Variants in STAP1 observed in about 807,000 individuals in gnomAD.
STAP1 encodes signal-transducing adaptor protein 1.
A neutral mutation model predicts 37.8 loss-of-function variants in STAP1; 30 were observed. The ratio of observed to expected loss-of-function variants is 0.79; its 90% confidence interval spans 0.59 to 1.08. The LOEUF is 1.08. STAP1 is among the 50% of genes least tolerant of loss of function. The pLI, the probability that STAP1 is intolerant of heterozygous loss-of-function variation, is 0.00. For missense variants in STAP1, 357 were observed against 349.4 expected (o/e 1.02, Z -0.17); for synonymous variants, 130 against 116.0 (o/e 1.12, Z -0.78).
chr4:67,566,975 AAAAAT>A (rs1226942504), intron 1 of STAP1, among the ~76,000 whole-genome samples: 1 of 152,162 alleles, frequency 6.6e-6, no homozygotes, highest in Non-Finnish European at 1.5e-5. Flanking sequence ...ACTTCCATCA[AAAAAT>A]AAAATAAAAT....
At chr4:67,584,834 G>A (rs1727946364) in intron 6 of STAP1, among the ~76,000 whole-genome samples, 1 of 152,138 alleles carries the variant, frequency 6.6e-6, no homozygotes, top group African/African-American at 2.4e-5. Context: ...GTAGGGACAA[G>A]GGTTTTACTT....
At chr4:67,585,245 T>G (rs1214945246) in intron 6 of STAP1, among the ~76,000 whole-genome samples, 2 of 152,218 alleles carry the variant, frequency 1.3e-5, no homozygotes, top group African/African-American at 2.4e-5. Flanking sequence ...TTTATTAAAT[T>G]TTATACTATA....
chr4:67,593,497 T>C, intron 8 of STAP1, 141 bp downstream of exon 8: 1 of 632,088 alleles, frequency 1.6e-6, no homozygotes, highest in Non-Finnish European at 2.7e-6. Flanking sequence ...GGAAATCATT[T>C]TGTCACTCAG....
intron 8 of STAP1, among the ~76,000 whole-genome samples, chr4:67,604,398 T>G (rs1024015515): frequency 6.6e-6 from 1 of 152,218 alleles, no homozygotes; most frequent in Non-Finnish European, 1.5e-5. Context: ...GTTGTTTAAT[T>G]TGGTGTTCCT....
chr4:67,593,135 G>A (rs1480063014), intron 7 of STAP1, 125 bp from the exon 8 acceptor site: 1 of 610,178 alleles, frequency 1.6e-6, no homozygotes, highest in African/African-American at 1.9e-5. Context: ...GTAAAACTAT[G>A]GTCATACAGT....
At chr4:67,575,175 T>G (rs1727690052) in intron 2 of STAP1, among the ~76,000 whole-genome samples, 2 of 152,160 alleles carry the variant, frequency 1.3e-5, no homozygotes, top group South Asian at 4.1e-4. Flanking sequence ...TCCTGAAAAT[T>G]TAACAATTGG....
At chr4:67,571,744 A>AC (rs2109858570) in intron 2 of STAP1, among the ~76,000 whole-genome samples, 1 of 152,288 alleles carries the variant, frequency 6.6e-6, no homozygotes, top group Admixed American at 6.5e-5. Flanking sequence ...ATGCTTACCT[A>AC]CCTTGGAACA....
intron 1 of STAP1, 147 bp from the exon 2 acceptor site, chr4:67,570,937 A>C: frequency 1.4e-6 from 1 of 712,300 alleles, no homozygotes; most frequent in East Asian, 2.8e-5. Flanking sequence ...TTAAATGTAA[A>C]ATTAAGCTAT....
chr4:67,596,792 T>A (rs1376711949), intron 8 of STAP1, among the ~76,000 whole-genome samples: 1 of 152,198 alleles, frequency 6.6e-6, no homozygotes, highest in Admixed American at 6.5e-5. Flanking sequence ...GTTCAAGATG[T>A]GACCTGGCTT....
At chr4:67,561,512 C>T (rs1409224301) in intron 1 of STAP1, among the ~76,000 whole-genome samples, 1 of 152,066 alleles carries the variant, frequency 6.6e-6, no homozygotes, top group Non-Finnish European at 1.5e-5. Flanking sequence ...AGCTTTTCCC[C>T]AGGAAAATGT....
chr4:67,589,522 A>G (rs1165216977), intron 6 of STAP1, among the ~76,000 whole-genome samples: 1 of 152,222 alleles, frequency 6.6e-6, no homozygotes, highest in African/African-American at 2.4e-5. Context: ...GAAGGTAGAA[A>G]GACCCTGTGC....
At chr4:67,599,950 CA>C (rs142719160) in intron 8 of STAP1, among the ~76,000 whole-genome samples, 1 of 151,846 alleles carries the variant, frequency 6.6e-6, no homozygotes, top group Non-Finnish European at 1.5e-5. Flanking sequence ...CTTATTTTTT[CA>C]AAAAACTTTT....
chr4:67,606,359 A>G lies in STAP1; in HGVS notation c.*2A>G. 2 of 1,610,168 alleles carry G rather than the reference A, an allele frequency of 1.2e-6. No individual in the cohort carries two copies. Among genetic ancestry groups the G allele is most frequent in the East Asian group, 4.5e-5 (2 of 44,668 alleles). The stretch of plus-strand genomic sequence containing the variant: ...AAGAAAAATCCACACATTGCATGAA[A>G]TACAATGTGAAAGCTCCTTTGTATA... On this transcript the variant is annotated 3_prime_UTR_variant, in exon 9 of 9. Transcript: ENST00000265404.
At chr4:67,560,390 T>A (rs1727306641) in intron 1 of STAP1, among the ~76,000 whole-genome samples, 1 of 152,176 alleles carries the variant, frequency 6.6e-6, no homozygotes, top group Non-Finnish European at 1.5e-5. Context: ...ATTTATTCAC[T>A]CAACATTTAT....
At chr4:67,580,923 TGA>T (rs998322510) in intron 4 of STAP1, among the ~76,000 whole-genome samples, 31 of 152,328 alleles carry the variant, frequency 2.0e-4, no homozygotes, top group African/African-American at 7.5e-4. Context: ...AGATAACTTA[TGA>T]GAGAGTGAGG....
intron 6 of STAP1, among the ~76,000 whole-genome samples, chr4:67,589,311 G>C (rs191498706): frequency 1.2e-4 from 19 of 152,166 alleles, no homozygotes; most frequent in African/African-American, 4.6e-4. Context: ...GTTAAGGAAT[G>C]TTTTCTTTTA....
At position 67,571,188 on chromosome 4, in the gene STAP1, T is replaced by G. The variant is rs1727598553; in HGVS notation, c.192+33T>G. On this transcript the variant is annotated intron_variant, in intron 2 of 8. Coordinates refer to ENST00000265404, the MANE Select transcript of STAP1 (RefSeq NM_012108.4). ...AATATGTTGAGCTGATTCCATTGTT[T>G]CCCAATATACCCTTGTCACATAGCA... 2.8e-6 allele frequency: 4 copies of G among 1,427,916 alleles called. No individual in the cohort carries two copies. In the Admixed American group the frequency reaches 6.8e-5, roughly 24 times the overall value. The allele number at this position is 1,427,916 out of a possible 1,614,324, so 88.5% of individuals were successfully genotyped here.
chr4:67,585,072 T>C (rs1727951523), intron 6 of STAP1, among the ~76,000 whole-genome samples: 1 of 152,214 alleles, frequency 6.6e-6, no homozygotes, highest in African/African-American at 2.4e-5. Context: ...TTGCACTTCA[T>C]TGGAGACTCT....
chr4:67,594,940 G>A (rs968272257), intron 8 of STAP1, among the ~76,000 whole-genome samples: 3 of 151,930 alleles, frequency 2.0e-5, no homozygotes, highest in Non-Finnish European at 2.9e-5. Flanking sequence ...CAAGCTTTTT[G>A]TGTGTGTGCA....
Sources: gnomAD v4.1 joint callset for allele counts (sites outside exome capture counted in the v4.1 genomes callset) on GRCh38, gnomAD v4.1.1 for gene constraint, MANE v1.5 for transcripts, NCBI Gene and HGNC (gene_info 2026-07-23, HGNC 2026-07-21) for gene names.